AGBL4: variants seen among roughly 807,000 people sequenced by gnomAD.
The protein encoded by AGBL4 is AGBL carboxypeptidase 4, also known as cytosolic carboxypeptidase 6.
In AGBL4, 58 loss-of-function variants were observed where a neutral mutation model predicts 66.4. The ratio of observed to expected loss-of-function variants is 0.87; its 90% CI spans 0.71 to 1.09. The LOEUF is 1.09. AGBL4 is among the 50% of genes least tolerant of loss of function. The pLI is 0.00. For missense variants in AGBL4, 579 were observed against 631.0 expected (o/e 0.92, Z 0.88); for synonymous variants, 234 against 222.9 (o/e 1.05, Z -0.44).
chr1:49,285,647 A>G (rs998025057), intron 3 of AGBL4, among the ~76,000 whole-genome samples: 3 of 152,234 alleles, frequency 2.0e-5, no homozygotes, highest in Non-Finnish European at 4.4e-5. Context: ...GCAAAAAAAG[A>G]GAGAAGAATC....
intron 3 of AGBL4, among the ~76,000 whole-genome samples, chr1:49,519,815 G>A (rs578212884): frequency 3.3e-5 from 5 of 152,204 alleles, no homozygotes; most frequent in Non-Finnish European, 5.9e-5. Context: ...AGCTGAGTTT[G>A]GCAGAGACTA....
At chr1:49,765,252 C>G (rs928667488) in intron 2 of AGBL4, among the ~76,000 whole-genome samples, 1 of 152,000 alleles carries the variant, frequency 6.6e-6, no homozygotes, top group African/African-American at 2.4e-5. Context: ...GCTTGTTCCA[C>G]AGATGGCTCT....
chr1:50,020,559 T>C lies in AGBL4; in HGVS notation c.34+3204A>G, dbSNP rs116473331. 1.3e-3 allele frequency among the ~76,000 whole-genome samples: 193 copies of C among 152,312 alleles called. 1 individual carries two copies. The highest frequency in any genetic ancestry group is 2.2e-3 in the Non-Finnish European group (153 of 68,002). ...AATATGCTTAGTTTAGAATATTTCC[T>C]GTAAGGCAGGGATTTTCATCATGGC... On this transcript the variant is annotated intron_variant, in intron 1 of 13. Transcript: ENST00000371839.
intron 3 of AGBL4, among the ~76,000 whole-genome samples, chr1:49,636,765 T>G (rs1645680507): frequency 6.6e-6 from 1 of 152,164 alleles, no homozygotes; most frequent in African/African-American, 2.4e-5. Flanking sequence ...TTCAGGATAC[T>G]AGTGATGTTT....
chr1:49,747,902 G>C (rs1475193567), intron 2 of AGBL4, among the ~76,000 whole-genome samples: 1 of 151,202 alleles, frequency 6.6e-6, no homozygotes, highest in Non-Finnish European at 1.5e-5. Context: ...TATTTGACAG[G>C]GTTATCCAAA....
rs114458336 is a variant in AGBL4 at position 49,963,874 on chromosome 1, C to T, written c.34+59889G>A. ...AAAGTTAAATTCTCCCTTCTCTCCC[C>T]AAAAATTGTTCTTCAAAAATGCAAT... is the stretch of plus-strand genomic sequence containing the variant. On this transcript the variant is annotated intron_variant, in intron 1 of 13. Transcript: ENST00000371839. 6.2e-3 allele frequency among the ~76,000 whole-genome samples: 936 copies of T among 151,810 alleles called. 12 individuals are homozygous for T. Among genetic ancestry groups the T allele is most frequent in the African/African-American group, 0.022 (903 of 41,410 alleles).
At chr1:49,778,122 C>A (rs1190389570) in intron 2 of AGBL4, among the ~76,000 whole-genome samples, 2 of 152,192 alleles carry the variant, frequency 1.3e-5, no homozygotes, top group African/African-American at 4.8e-5. Context: ...TCCCATCCTC[C>A]ATCCATCCTC....
chr1:50,019,479 C>T (rs1270913048), intron 1 of AGBL4, among the ~76,000 whole-genome samples: 2 of 151,938 alleles, frequency 1.3e-5, no homozygotes, highest in African/African-American at 2.4e-5. Context: ...ACAAAAAAGG[C>T]TTAACTATTA....
chr1:49,992,830 C>T (rs983276876), intron 1 of AGBL4, among the ~76,000 whole-genome samples: 11 of 152,146 alleles, frequency 7.2e-5, no homozygotes, highest in Non-Finnish European at 1.2e-4. Flanking sequence ...ATAAACTCTC[C>T]CCAATGCTCC....
intron 3 of AGBL4, among the ~76,000 whole-genome samples, chr1:49,652,933 C>G (rs1424551843): frequency 1.3e-5 from 2 of 152,066 alleles, no homozygotes; most frequent in Non-Finnish European, 2.9e-5. Flanking sequence ...GGATTCTGCC[C>G]AACTGCAGCA....
intron 3 of AGBL4, among the ~76,000 whole-genome samples, chr1:49,258,971 T>G (rs554229632): frequency 1.2e-4 from 18 of 152,278 alleles, no homozygotes; most frequent in Admixed American, 2.6e-4. Context: ...GCAGAAACTC[T>G]ACAAGCCAGA....
intron 1 of AGBL4, among the ~76,000 whole-genome samples, chr1:49,988,115 T>C (rs1024992735): frequency 1.3e-5 from 2 of 152,106 alleles, no homozygotes; most frequent in African/African-American, 4.8e-5. Flanking sequence ...ATGTCATCAA[T>C]TTTATAAATA....
chr1:49,519,278 G>A (rs997438253), intron 3 of AGBL4, among the ~76,000 whole-genome samples: 1 of 151,942 alleles, frequency 6.6e-6, no homozygotes, highest in African/African-American at 2.4e-5. Context: ...TGGAAAATAA[G>A]CATAGACAAA....
intron 3 of AGBL4, among the ~76,000 whole-genome samples, chr1:49,422,276 A>T (rs1435510778): frequency 6.6e-6 from 1 of 152,126 alleles, no homozygotes; most frequent in Non-Finnish European, 1.5e-5. Flanking sequence ...TTTTGCTGTT[A>T]ATTTCATTGG....
At chr1:49,671,735 T>C (rs900421690) in intron 3 of AGBL4, among the ~76,000 whole-genome samples, 1 of 151,624 alleles carries the variant, frequency 6.6e-6, no homozygotes, top group Admixed American at 6.6e-5. Flanking sequence ...ATGAAAAAAA[T>C]CTCAAAATCA....
At chr1:49,692,757 T>C (rs1425603984) in intron 3 of AGBL4, among the ~76,000 whole-genome samples, 2 of 152,048 alleles carry the variant, frequency 1.3e-5, no homozygotes, top group Non-Finnish European at 2.9e-5. Context: ...CTCAGAATCT[T>C]AAAGGGAAAT....
intron 8 of AGBL4, among the ~76,000 whole-genome samples, chr1:48,640,873 A>G (rs1404767855): frequency 1.3e-5 from 2 of 152,210 alleles, no homozygotes; most frequent in Admixed American, 1.3e-4. Flanking sequence ...GAAGGACATC[A>G]TGCCTTATCG....
chr1:48,709,642 C>T (rs1385673472), intron 6 of AGBL4, among the ~76,000 whole-genome samples: 4 of 139,956 alleles, frequency 2.9e-5, no homozygotes, highest in Non-Finnish European at 6.3e-5. Flanking sequence ...TGCTCTGTCA[C>T]CCAGGCTGGA....
intron 3 of AGBL4, among the ~76,000 whole-genome samples, chr1:49,576,480 A>G (rs1280947024): frequency 6.6e-6 from 1 of 152,120 alleles, no homozygotes; most frequent in African/African-American, 2.4e-5. Context: ...TCTGCACATA[A>G]CTACTCTCTT....
Sources: gnomAD v4.1 joint callset for allele counts (sites outside exome capture counted in the v4.1 genomes callset) on GRCh38, gnomAD v4.1.1 for gene constraint, MANE v1.5 for transcripts, NCBI Gene and HGNC (gene_info 2026-07-23, HGNC 2026-07-21) for gene names.